Variants in MKNK1 observed in about 807,000 individuals in gnomAD.
MKNK1 encodes MAP kinase-interacting serine/threonine-protein kinase 1.
Under a neutral mutation model 49.3 loss-of-function variants are expected in MKNK1, and 30 were observed. The ratio of observed to expected loss-of-function variants is 0.61; its 90% CI spans 0.46 to 0.83. The LOEUF is 0.83. MKNK1 is among the 40% of genes least tolerant of loss of function. The pLI, the probability that MKNK1 is intolerant of heterozygous loss-of-function variation, is 0.00. For synonymous variants in MKNK1, 176 were observed against 201.7 expected, an observed-to-expected ratio of 0.87 and a Z score of 1.08; for missense variants, 423 against 524.7, an observed-to-expected ratio of 0.81 and a Z score of 1.89.
At position 46,580,566 on chromosome 1, in the gene MKNK1, G is replaced by A. The variant is rs1420532865; in HGVS notation, c.162C>T (p.Ala54=). 25 of 1,613,916 alleles carry A rather than the reference G, an allele frequency of 1.5e-5. No individual in the cohort carries two copies. Among genetic ancestry groups the A allele is most frequent in the Admixed American group, 8.3e-5 (5 of 59,998 alleles). ...ACTCTTTGCCATTCTGTAGGCTCAC[G>A]GCACCTTGAACTTTGGCATAGGCTC... ...GEGAYAKVQG[A]VSLQNGKEYA... Residue 54 remains alanine, a synonymous_variant, in exon 4 of 13, where the codon GCC becomes GCT. Coordinates refer to ENST00000371945, the MANE Select transcript of MKNK1 (RefSeq NM_001135553.4).
At chr1:46,590,675 C>T (rs3766231) in intron 2 of MKNK1, among the ~76,000 whole-genome samples, 38,153 of 152,114 alleles carry the variant, frequency 0.25, 4,838 homozygotes, top group Admixed American at 0.33. Flanking sequence ...GTAAAAGTAG[C>T]CAGGCACCAA....
chr1:46,559,335 T>C (rs1422679392), intron 12 of MKNK1, among the ~76,000 whole-genome samples: 2 of 152,214 alleles, frequency 1.3e-5, no homozygotes, highest in Non-Finnish European at 2.9e-5. Flanking sequence ...AATTGGGCAA[T>C]AGCAACTGGG....
At chr1:46,576,157 T>C (rs899972197) in intron 5 of MKNK1, 4 of 195,350 alleles carry the variant, frequency 2.0e-5, no homozygotes, top group Admixed American at 1.8e-4. Flanking sequence ...TCTGCACATA[T>C]GTAAACATTC....
At chr1:46,583,097 T>G in intron 3 of MKNK1, 131 bp downstream of exon 3, 2 of 753,330 alleles carry the variant, frequency 2.7e-6, no homozygotes, top group South Asian at 3.0e-5. Flanking sequence ...CCATCTTATC[T>G]CCCTACCACA....
At chr1:46,594,398 T>C (rs998714383) in intron 1 of MKNK1, 118 bp from the exon 2 acceptor site, 19 of 526,458 alleles carry the variant, frequency 3.6e-5, no homozygotes, top group Middle Eastern at 2.8e-4. Flanking sequence ...TAAGTAGATA[T>C]ACACGCAGCA....
At chr1:46,568,687 G>T (rs1045117071) in intron 7 of MKNK1, 189 bp from the exon 8 acceptor site, 2 of 602,388 alleles carry the variant, frequency 3.3e-6, no homozygotes, top group South Asian at 2.0e-5. Flanking sequence ...TTGATTCTGC[G>T]GGTTCTTTTG....
At chr1:46,561,431 C>A (rs1054127778) in intron 11 of MKNK1, 47 bp downstream of exon 11, 1 of 1,542,356 alleles carries the variant, frequency 6.5e-7, no homozygotes, top group African/African-American at 1.4e-5. Context: ...TGTGGCCATG[C>A]CACAGGCCTG....
intron 2 of MKNK1, among the ~76,000 whole-genome samples, chr1:46,590,218 A>G (rs1673146662): frequency 6.6e-6 from 1 of 152,198 alleles, no homozygotes; most frequent in Admixed American, 6.5e-5. Flanking sequence ...AGGAAGTGTC[A>G]TGGGCACTCT....
At chr1:46,570,461 A>G (rs1348365844) in intron 7 of MKNK1, among the ~76,000 whole-genome samples, 1 of 152,198 alleles carries the variant, frequency 6.6e-6, no homozygotes, top group Non-Finnish European at 1.5e-5. Context: ...GGGCCCCAAC[A>G]TGGGCACTGT....
intron 2 of MKNK1, among the ~76,000 whole-genome samples, chr1:46,590,431 C>T (rs765596191): frequency 9.9e-5 from 15 of 152,252 alleles, no homozygotes; most frequent in Non-Finnish European, 1.3e-4. Flanking sequence ...ACTTTACCAA[C>T]GCTACACTTT....
Position 46,562,749 on chromosome 1 carries a change from C to A in MKNK1, c.704G>T (p.Gly235Val). The change falls in exon 10 of 13, where the codon GGC becomes GTC. Residue 235 changes from glycine to valine, a missense_variant. Gly to Val is a moderately radical substitution (Grantham distance 109, BLOSUM62 -3). Coordinates refer to ENST00000371945, the MANE Select transcript of MKNK1 (RefSeq NM_001135553.4). ...YDKRCDLWSL[G>V]VVLYIMLSGY... ...ACTCAGCATGATGTAGAGGACCACG[C>A]CCAGGCTCCACAGGTCACAGCGCTT... 6.2e-7 allele frequency: 1 copy of A among 1,607,826 alleles called. No individual in the cohort carries two copies. The highest frequency in any genetic ancestry group is 8.5e-7 in the Non-Finnish European group (1 of 1,176,860).
intron 4 of MKNK1, among the ~76,000 whole-genome samples, chr1:46,578,638 G>C (rs896904239): frequency 6.7e-6 from 1 of 149,678 alleles, no homozygotes; most frequent in East Asian, 2.0e-4. Context: ...CCAGGGTGGA[G>C]TGCAGTGGCA....
In MKNK1 at chr1:46,576,108, G is replaced by A. The variant is rs187325961; in HGVS notation, c.278+467C>T. ...AATGAACTGGGGCTAGAGATGAGCC[G>A]GACCCAGCTATCTGGAAGGTTCCAG... On this transcript the variant is annotated intron_variant, in intron 5 of 12. Transcript: ENST00000371945. The A allele has an allele frequency of 3.4e-3, 532 of 156,746 alleles. 5 individuals are homozygous for A. The highest frequency in any genetic ancestry group is 0.031 in the Admixed American group (474 of 15,480). The allele number at this position is 156,746 out of a possible 1,614,324, so 9.7% of individuals were successfully genotyped here. A position where few individuals can be genotyped will look rare whatever the true frequency, so the allele number is the denominator to read the frequency against.
intron 9 of MKNK1, 38 bp from the exon 10 acceptor site, chr1:46,562,881 A>G (rs1264573538): frequency 6.5e-7 from 1 of 1,532,462 alleles, no homozygotes; most frequent in East Asian, 2.3e-5. Flanking sequence ...GAGATGGCAG[A>G]GAACAGAGAG....
rs118152018 is a variant in MKNK1, at chr1:46,594,107, T to A, written c.-3+6A>T. 4.4e-4 allele frequency: 704 copies of A among 1,597,298 alleles called. 4 individuals are homozygous for A. The East Asian group carries it at 0.012, about 28-fold the overall frequency. ...AAGGATAACTAAAATGTACACCCAA[T>A]CTTACCTATAGGTTTTTCCAACTTT... On this transcript the variant is annotated splice_donor_region_variant and intron_variant, in intron 2 of 12. Transcript: ENST00000371945.
chr1:46,593,980 G>A (rs1673711893), intron 2 of MKNK1, 133 bp downstream of exon 2: 2 of 670,642 alleles, frequency 3.0e-6, no homozygotes, highest in Non-Finnish European at 2.7e-6. Flanking sequence ...TACCAGGGCA[G>A]CTCCGCTATT....
rs896501476 is a variant in MKNK1 at position 46,574,795 on chromosome 1, C to T, written c.352+152G>A. On this transcript the variant is annotated intron_variant, in intron 6 of 12. Coordinates refer to ENST00000371945, the MANE Select transcript of MKNK1 (RefSeq NM_001135553.4). The stretch of plus-strand genomic sequence containing the variant: ...AAAATGCTAATTATCATCCTTCCCT[C>T]CGGCCTCCCTTCTCCCAAATCAAGG... 17 of 586,344 alleles carry T rather than the reference C, an allele frequency of 2.9e-5. No individual in the cohort carries two copies. In the East Asian group the frequency reaches 4.6e-4, roughly 16 times the overall value. 36.3% of individuals were successfully genotyped at this position (586,344 alleles called of 1,614,324 possible).
rs556002120 is a variant in MKNK1, at chr1:46,585,849, T to G, written c.-2-2520A>C. ...ACACGTAACATTAGATTTTATGGCT[T>G]CACACACACACAAAGACAGAGTACC... On this transcript the variant is annotated intron_variant, in intron 2 of 12. Transcript: ENST00000371945. 3 of 1,206,244 alleles carry G rather than the reference T, an allele frequency of 2.5e-6. No homozygotes were observed. The African/African-American group carries it at 4.6e-5, about 19-fold the overall frequency. 74.7% of individuals were successfully genotyped at this position (1,206,244 alleles called of 1,614,324 possible).
Position 46,561,532 on chromosome 1 carries a change from A to G in MKNK1, c.915T>C (p.Asp305=), listed in dbSNP as rs146561350. The change falls in exon 11 of 13, where the codon GAT becomes GAC. Residue 305 remains aspartate (D), a synonymous_variant. Coordinates refer to ENST00000371945, the MANE Select transcript of MKNK1 (RefSeq NM_001135553.4). ...KDLISKLLVR[D]AKQRLSAAQV... is the part of the protein sequence containing the mutation. ...GGGCGGCGCTAAGTCTCTGCTTTGC[A>G]TCTCGCACCAGGAGCTTGGAGATGA... The G allele has an allele frequency of 1.2e-6, 2 of 1,614,010 alleles. No homozygotes were observed. Among genetic ancestry groups the G allele is most frequent in the African/African-American group, 1.3e-5 (1 of 74,932 alleles).
Sources: gnomAD v4.1 joint callset for allele counts (sites outside exome capture counted in the v4.1 genomes callset) on GRCh38, gnomAD v4.1.1 for gene constraint, MANE v1.5 for transcripts, NCBI Gene and HGNC (gene_info 2026-07-23, HGNC 2026-07-21) for gene names.